GFPT1: variants seen among roughly 807,000 people sequenced by gnomAD.
GFPT1 encodes the protein glutamine--fructose-6-phosphate transaminase 1, also known as glutamine--fructose-6-phosphate aminotransferase [isomerizing] 1.
A neutral mutation model predicts 92.0 loss-of-function variants in GFPT1; 40 were observed. The ratio of observed to expected loss-of-function variants is 0.43; its 90% CI spans 0.34 to 0.57. The LOEUF (loss-of-function observed/expected upper bound fraction) is 0.57. Ranked by LOEUF, GFPT1 falls within the 20% of genes least tolerant of loss-of-function variation. The pLI is 0.02. For missense variants in GFPT1, 448 were observed against 869.1 expected (o/e 0.52, Z 6.09); for synonymous variants, 269 against 280.6 (o/e 0.96, Z 0.41).
At chr2:69,343,100 C>T (rs988949862) in intron 12 of GFPT1, among the ~76,000 whole-genome samples, 4 of 152,186 alleles carry the variant, frequency 2.6e-5, no homozygotes, top group East Asian at 3.8e-4. Context: ...GAAGTCTGTC[C>T]TCTTTTTCAT....
In GFPT1 at chr2:69,335,447, ATTTTATGAAAAGATT is replaced by A. The variant is rs371758481; in HGVS notation, c.1482+2436_1482+2450del. 4.9e-3 allele frequency among the ~76,000 whole-genome samples: 744 copies of A among 152,332 alleles called. 3 individuals are homozygous for A. The highest frequency in any genetic ancestry group is 0.017 in the African/African-American group (712 of 41,564). ...CTTGGCAGCTCACAATTCCAGAAACATTTTATGAAAAGATTAAGTCAATGGCATCCATCCAAACAA... is the reference window on the plus strand; with the variant it reads ...CTTGGCAGCTCACAATTCCAGAAACAAAGTCAATGGCATCCATCCAAACAA... On this transcript the variant is annotated intron_variant, in intron 15 of 19. Coordinates refer to ENST00000357308, the MANE Select transcript of GFPT1 (RefSeq NM_001244710.2).
At position 69,354,476 on chromosome 2, in the gene GFPT1, G is replaced by T; in HGVS notation, c.685+13C>A. ...TCATATCTACTGCACTGCATTTGTA[G>T]AGGTAATTTTACCTGTTCTGTAGAG... On this transcript the variant is annotated intron_variant, in intron 8 of 19. Coordinates refer to ENST00000357308, the MANE Select transcript of GFPT1 (RefSeq NM_001244710.2). 1 of 1,505,782 alleles carries T rather than the reference G, an allele frequency of 6.6e-7. No individual in the cohort carries two copies. Among genetic ancestry groups the T allele is most frequent in the South Asian group, 1.1e-5 (1 of 88,698 alleles). 93.3% of individuals were successfully genotyped at this position (1,505,782 alleles called of 1,614,324 possible).
At chr2:69,359,935 G>A (rs762804926) in intron 4 of GFPT1, among the ~76,000 whole-genome samples, 9 of 152,076 alleles carry the variant, frequency 5.9e-5, no homozygotes, top group Non-Finnish European at 1.0e-4. Context: ...ACATGATCTC[G>A]GGATAATTTT....
At chr2:69,374,314 T>A (rs1425637001) in intron 1 of GFPT1, among the ~76,000 whole-genome samples, 1 of 85,430 alleles carries the variant, frequency 1.2e-5, no homozygotes, top group Non-Finnish European at 2.2e-5. Flanking sequence ...CATTTATAAT[T>A]TTTTCTTTTT....
intron 1 of GFPT1, among the ~76,000 whole-genome samples, chr2:69,386,770 T>C (rs924235858): frequency 6.6e-6 from 1 of 152,158 alleles, no homozygotes; most frequent in African/African-American, 2.4e-5. Context: ...TCCTCCTTTT[T>C]CAATAAAGGC....
Position 69,378,153 on chromosome 2 carries a change from C to T in GFPT1, c.8-4040G>A, listed in dbSNP as rs1421209436. 2.6e-5 allele frequency among the ~76,000 whole-genome samples: 4 copies of T among 152,094 alleles called. 1 individual carries two copies. Among genetic ancestry groups the T allele is most frequent in the African/African-American group, 9.7e-5 (4 of 41,404 alleles). On this transcript the variant is annotated intron_variant, in intron 1 of 19. Transcript: ENST00000357308. ...CCCAAGTAGCTGGAATTACAGTGGC[C>T]GCCGCCATGCCCGGCTAATTTTTTG... is the stretch of plus-strand genomic sequence containing the variant.
At chr2:69,376,291 C>T (rs1373547226) in intron 1 of GFPT1, among the ~76,000 whole-genome samples, 1 of 152,224 alleles carries the variant, frequency 6.6e-6, no homozygotes, top group Admixed American at 6.5e-5. Flanking sequence ...GGCGCATCAC[C>T]TGAAGCCAGG....
intron 12 of GFPT1, among the ~76,000 whole-genome samples, chr2:69,344,061 T>A (rs953211402): frequency 1.3e-5 from 2 of 151,990 alleles, no homozygotes; most frequent in Non-Finnish European, 2.9e-5. Context: ...CCTGTTTGTG[T>A]ACCTCTGCCT....
At chr2:69,362,751 C>T (rs113952888) in intron 4 of GFPT1, among the ~76,000 whole-genome samples, 19,599 of 151,878 alleles carry the variant, frequency 0.13, 1,407 homozygotes, top group Non-Finnish European at 0.16. Flanking sequence ...GAGCCGATAT[C>T]GCACCACTGC....
Position 69,356,915 on chromosome 2 carries a change from T to C in GFPT1, c.544-358A>G, listed in dbSNP as rs560306789. Among the ~76,000 whole-genome samples, 7 of 152,250 alleles carry C rather than the reference T, an allele frequency of 4.6e-5. No individual in the cohort carries two copies. In the South Asian group the frequency reaches 1.0e-3, roughly 23 times the overall value. ...CCCACGCTAATTTTTGTATTTTTAA[T>C]AGAGACAGGGTTTCACCATGTTGGC... On this transcript the variant is annotated intron_variant, in intron 6 of 19. Transcript: ENST00000357308.
At chr2:69,354,403 T>C (rs1199138331) in intron 8 of GFPT1, 86 bp downstream of exon 8, 1 of 1,271,462 alleles carries the variant, frequency 7.9e-7, no homozygotes, top group Non-Finnish European at 1.1e-6. Context: ...TATATACATG[T>C]GCATCTGACC....
At chr2:69,349,207 T>C (rs544053320) in intron 10 of GFPT1, among the ~76,000 whole-genome samples, 2 of 152,344 alleles carry the variant, frequency 1.3e-5, no homozygotes, top group South Asian at 4.1e-4. Context: ...TAAGGAAAAG[T>C]AATATTTTTA....
At chr2:69,384,745 A>G (rs56046181) in intron 1 of GFPT1, among the ~76,000 whole-genome samples, 3,280 of 150,220 alleles carry the variant, frequency 0.022, 126 homozygotes, top group African/African-American at 0.075. Flanking sequence ...AAGAAGAGAA[A>G]GAAAGAAAGA....
At chr2:69,361,245 C>T (rs529201137) in intron 4 of GFPT1, among the ~76,000 whole-genome samples, 24 of 151,700 alleles carry the variant, frequency 1.6e-4, no homozygotes, top group African/African-American at 5.3e-4. Context: ...CTCAGGAGTT[C>T]GAGACCAGCC....
chr2:69,378,225 C>T (rs1385145315), intron 1 of GFPT1, among the ~76,000 whole-genome samples: 2 of 152,144 alleles, frequency 1.3e-5, no homozygotes, highest in African/African-American at 2.4e-5. Context: ...AGGCTGGTCT[C>T]GAACTCCTGA....
rs1670505913 is a variant in GFPT1 at position 69,325,480 on chromosome 2, A to G, written c.*709T>C. The G allele has an allele frequency of 6.6e-6, 1 of 152,174 alleles. No homozygotes were observed. Among genetic ancestry groups the G allele is most frequent in the Admixed American group, 6.5e-5 (1 of 15,274 alleles). 9.4% of individuals were successfully genotyped at this position (152,174 alleles called of 1,614,324 possible). A position where few individuals can be genotyped will look rare whatever the true frequency, so the allele number is the denominator to read the frequency against. On this transcript the variant is annotated 3_prime_UTR_variant, in exon 20 of 20. Transcript: ENST00000357308. ...TTAAAATCATATTGTCAGTTGTCCA[A>G]AGCAGCTTGAATTTAAAGTTTGTGC... is the stretch of plus-strand genomic sequence containing the variant.
At chr2:69,368,024 G>T (rs1671651903) in intron 3 of GFPT1, among the ~76,000 whole-genome samples, 1 of 152,218 alleles carries the variant, frequency 6.6e-6, no homozygotes, top group Admixed American at 6.5e-5. Flanking sequence ...CAAAGAGGGT[G>T]GATCGCCTGA....
At chr2:69,386,215 T>C (rs531190632) in intron 1 of GFPT1, among the ~76,000 whole-genome samples, 2 of 152,186 alleles carry the variant, frequency 1.3e-5, no homozygotes, top group Admixed American at 6.5e-5. Flanking sequence ...AATAAACGAC[T>C]CTCAAAACAT....
intron 1 of GFPT1, among the ~76,000 whole-genome samples, chr2:69,376,066 C>A (rs1379549055): frequency 6.6e-6 from 1 of 152,126 alleles, no homozygotes; most frequent in Non-Finnish European, 1.5e-5. Flanking sequence ...AACGAATAAC[C>A]CAATTGTAAA....
Sources: gnomAD v4.1 joint callset for allele counts (sites outside exome capture counted in the v4.1 genomes callset) on GRCh38, gnomAD v4.1.1 for gene constraint, MANE v1.5 for transcripts, NCBI Gene and HGNC (gene_info 2026-07-23, HGNC 2026-07-21) for gene names.